The following IRAG1 variants were observed in gnomAD, a reference collection of about 807,000 sequenced individuals.
IRAG1 encodes the protein IP3R-associated cGMP kinase substrate.
Under a neutral mutation model 106.2 loss-of-function variants are expected in IRAG1, and 62 were observed. That is an observed-to-expected ratio of 0.58 (90% CI 0.48 to 0.72). IRAG1 has a LOEUF of 0.72. Ranked by LOEUF, IRAG1 falls within the 30% of genes least tolerant of loss-of-function variation. The pLI is 0.00. For synonymous variants in IRAG1, 462 were observed against 443.9 expected, an observed-to-expected ratio of 1.04 and a Z score of -0.51; for missense variants, 1,064 against 1,140.7, an observed-to-expected ratio of 0.93 and a Z score of 0.97.
chr11:10,670,030 T>G (rs1306982688), intron 1 of IRAG1, among the ~76,000 whole-genome samples: 1 of 152,192 alleles, frequency 6.6e-6, no homozygotes, highest in East Asian at 1.9e-4. Flanking sequence ...ATCACAGGGA[T>G]GGGAATCTTG....
intron 11 of IRAG1, among the ~76,000 whole-genome samples, chr11:10,607,505 T>C (rs952325024): frequency 6.6e-6 from 1 of 152,212 alleles, no homozygotes; most frequent in Non-Finnish European, 1.5e-5. Flanking sequence ...CATCTGCATG[T>C]CCACTCGATG....
intron 14 of IRAG1, 94 bp downstream of exon 14, chr11:10,603,026 C>A: frequency 7.0e-7 from 1 of 1,438,742 alleles, no homozygotes; most frequent in South Asian, 1.3e-5. Context: ...GAAGCCACCT[C>A]TAAGTGGTAT....
At chr11:10,589,513 C>T (rs543042260) in intron 18 of IRAG1, among the ~76,000 whole-genome samples, 13 of 152,180 alleles carry the variant, frequency 8.5e-5, no homozygotes, top group East Asian at 3.9e-4. Flanking sequence ...ATGAACCACC[C>T]GCCTCAGCCT....
At position 10,627,973 on chromosome 11, in the gene IRAG1, C is replaced by T; in HGVS notation, c.705G>A (p.Gln235=). 6.2e-7 allele frequency: 1 copy of T among 1,606,404 alleles called. No homozygotes were observed. Among genetic ancestry groups the T allele is most frequent in the Non-Finnish European group, 8.5e-7 (1 of 1,174,962 alleles). The change falls in exon 7 of 21, where the codon CAG becomes CAA. Residue 235 remains glutamine, a splice_region_variant and synonymous_variant. Coordinates refer to ENST00000423302, the MANE Select transcript of IRAG1 (RefSeq NM_130385.4). ...PPSPLPGAPP[Q]KGDEADVSSP... is the part of the protein sequence containing the mutation. Reference sequence around the variant, plus strand: ...CACAGCAGGTGGGGGGTCCTGTCACCTGTGGTGGTGCTCCAGGCAGAGGGG... The same window carrying T: ...CACAGCAGGTGGGGGGTCCTGTCACTTGTGGTGGTGCTCCAGGCAGAGGGG...
intron 1 of IRAG1, chr11:10,687,645 G>A (rs2135259047): frequency 2.4e-6 from 3 of 1,262,332 alleles, no homozygotes; most frequent in Non-Finnish European, 3.1e-6. Context: ...GACTTCACCA[G>A]ACACAGATGC....
intron 1 of IRAG1, among the ~76,000 whole-genome samples, chr11:10,664,529 C>T (rs1425504027): frequency 6.6e-6 from 1 of 152,212 alleles, no homozygotes; most frequent in Non-Finnish European, 1.5e-5. Flanking sequence ...GTCTCTCCAT[C>T]TCAATAGTAA....
intron 12 of IRAG1, among the ~76,000 whole-genome samples, chr11:10,604,872 G>A (rs1013787076): frequency 2.6e-5 from 4 of 152,238 alleles, no homozygotes; most frequent in Admixed American, 2.0e-4. Flanking sequence ...ACTCAGGCCA[G>A]TACAGCTAAT....
At chr11:10,595,614 G>A in intron 15 of IRAG1, 1 of 152,126 alleles carries the variant, frequency 6.6e-6, no homozygotes, top group Non-Finnish European at 1.5e-5. Flanking sequence ...TTTCTACAGA[G>A]AGTGCTTATT....
chr11:10,634,271 C>T lies in IRAG1; in HGVS notation c.226-200G>A, dbSNP rs189549606. 1.1e-3 allele frequency among the ~76,000 whole-genome samples: 161 copies of T among 152,238 alleles called. 1 individual carries two copies. The highest frequency in any genetic ancestry group is 3.8e-3 in the African/African-American group (156 of 41,524). ...TTGTATATATTCAAGGCACACAATG[C>T]GATGTTTTCATTACCTTGATACAAT... On this transcript the variant is annotated intron_variant, in intron 2 of 20. Transcript: ENST00000423302.
In IRAG1 at chr11:10,631,896, G is replaced by A. The variant is rs537769772; in HGVS notation, c.400+95C>T. The stretch of plus-strand genomic sequence containing the variant: ...CCTGTTGGACTTATCGGGAGGGAGC[G>A]CCTTAAAGAGCAGGAGAGAGGAAGG... On this transcript the variant is annotated intron_variant, in intron 4 of 20. Transcript: ENST00000423302. 6.1e-4 allele frequency: 594 copies of A among 974,396 alleles called. 1 individual carries two copies. The highest frequency in any genetic ancestry group is 9.1e-4 in the Non-Finnish European group (553 of 607,882). 60.4% of individuals were successfully genotyped at this position (974,396 alleles called of 1,614,324 possible).
At chr11:10,652,517 T>C in intron 1 of IRAG1, 1 of 387,464 alleles carries the variant, frequency 2.6e-6, no homozygotes, top group South Asian at 4.4e-5. Flanking sequence ...TGTTTACCAC[T>C]TACTGAGCAC....
At chr11:10,606,062 T>C (rs1477134390) in intron 12 of IRAG1, among the ~76,000 whole-genome samples, 1 of 152,254 alleles carries the variant, frequency 6.6e-6, no homozygotes, top group Non-Finnish European at 1.5e-5. Flanking sequence ...TGTTATAGAC[T>C]GCAAGTGCAA....
intron 1 of IRAG1, among the ~76,000 whole-genome samples, chr11:10,683,550 C>CCCTG (rs1274589109): frequency 6.6e-6 from 1 of 152,184 alleles, no homozygotes; most frequent in African/African-American, 2.4e-5. Flanking sequence ...TTTCTCCCTG[C>CCCTG]CCTGCCCCCT....
chr11:10,641,569 G>A (rs1857511317), intron 2 of IRAG1, among the ~76,000 whole-genome samples: 1 of 152,186 alleles, frequency 6.6e-6, no homozygotes, highest in African/African-American at 2.4e-5. Context: ...AACATGGCTA[G>A]AGGGAATTGG....
chr11:10,587,369 T>G (rs1852129483), intron 18 of IRAG1, among the ~76,000 whole-genome samples: 1 of 152,166 alleles, frequency 6.6e-6, no homozygotes, highest in Non-Finnish European at 1.5e-5. Flanking sequence ...CCCACTGCCA[T>G]GGTTCCCTCT....
chr11:10,598,595 T>TATC (rs1459767947), intron 15 of IRAG1, among the ~76,000 whole-genome samples: 1 of 152,204 alleles, frequency 6.6e-6, no homozygotes, highest in African/African-American at 2.4e-5. Context: ...AATTGTGGCC[T>TATC]ATCAAAGTCA....
At chr11:10,660,463 G>A (rs539130746) in intron 1 of IRAG1, among the ~76,000 whole-genome samples, 1 of 152,196 alleles carries the variant, frequency 6.6e-6, no homozygotes, top group East Asian at 1.9e-4. Context: ...GGTCATAGTG[G>A]GAGTATCTAT....
At chr11:10,679,133 C>G (rs536608668) in intron 1 of IRAG1, among the ~76,000 whole-genome samples, 1 of 152,192 alleles carries the variant, frequency 6.6e-6, no homozygotes, top group African/African-American at 2.4e-5. Flanking sequence ...ATCTTAGTGT[C>G]CTAGTTCTAC....
intron 20 of IRAG1, 95 bp from the exon 21 acceptor site, chr11:10,576,670 G>C: frequency 2.7e-6 from 4 of 1,494,306 alleles, no homozygotes; most frequent in Admixed American, 3.5e-5. Context: ...CTTCCATGCT[G>C]TCTTGAGCAA....
Sources: gnomAD v4.1 joint callset for allele counts (sites outside exome capture counted in the v4.1 genomes callset) on GRCh38, gnomAD v4.1.1 for gene constraint, MANE v1.5 for transcripts, NCBI Gene and HGNC (gene_info 2026-07-23, HGNC 2026-07-21) for gene names.